CLTC: variants seen among roughly 807,000 people sequenced by gnomAD.
CLTC encodes the protein clathrin heavy chain.
A neutral mutation model predicts 195.8 loss-of-function variants in CLTC; 16 were observed. That is an observed-to-expected ratio of 0.08 (90% confidence interval 0.06 to 0.12). The LOEUF (loss-of-function observed/expected upper bound fraction) is 0.12, where lower values mean the gene tolerates loss of function less well. Among genes scored for constraint, CLTC ranks in the 10% least tolerant of loss-of-function variants. The pLI, the probability that CLTC is intolerant of heterozygous loss-of-function variation, is 1.00. For missense variants in CLTC, 796 were observed against 2,027.0 expected (o/e 0.39, Z 11.66); for synonymous variants, 667 against 689.4 (o/e 0.97, Z 0.51).
intron 6 of CLTC, among the ~76,000 whole-genome samples, chr17:59,658,117 T>G (rs900869935): frequency 6.6e-6 from 1 of 152,170 alleles, no homozygotes; most frequent in African/African-American, 2.4e-5. Flanking sequence ...ACAGGAGAAT[T>G]GCTTGAACCC....
At position 59,666,325 on chromosome 17, in the gene CLTC, C is replaced by T; in HGVS notation, c.1782+85C>T. Reference sequence around the variant, plus strand: ...CCTCTCAGATTGTTATGCAAAGCTACTGAGGGGCCTACTCCTTATTAAAGA... The same window carrying T: ...CCTCTCAGATTGTTATGCAAAGCTATTGAGGGGCCTACTCCTTATTAAAGA... On this transcript the variant is annotated intron_variant, in intron 11 of 31. Transcript: ENST00000269122. This position sits in a 1 kb window ranked among gnomAD's most constrained non-coding sequence, Gnocchi z 4.9. 1.3e-6 allele frequency: 2 copies of T among 1,540,096 alleles called. No individual in the cohort carries two copies. The highest frequency in any genetic ancestry group is 1.8e-6 in the Non-Finnish European group (2 of 1,123,416).
chr17:59,664,385 T>C (rs1022699348), intron 9 of CLTC, among the ~76,000 whole-genome samples: 1 of 151,778 alleles, frequency 6.6e-6, no homozygotes, highest in Non-Finnish European at 1.5e-5. Flanking sequence ...AACCTTGTCT[T>C]TACTAAAAAT....
chr17:59,633,116 T>C (rs2031768914), intron 1 of CLTC, among the ~76,000 whole-genome samples: 1 of 152,268 alleles, frequency 6.6e-6, no homozygotes, highest in African/African-American at 2.4e-5. Context: ...CATTTTGAGA[T>C]AATCTGTAAC....
At chr17:59,657,901 TAAA>T (rs916520631) in intron 6 of CLTC, among the ~76,000 whole-genome samples, 8 of 143,264 alleles carry the variant, frequency 5.6e-5, no homozygotes, top group Non-Finnish European at 9.2e-5. Context: ...ATTAAAAAAA[TAAA>T]AAAAAAGACA....
intron 1 of CLTC, among the ~76,000 whole-genome samples, chr17:59,622,708 T>C (rs1270204120): frequency 6.6e-6 from 1 of 152,216 alleles, no homozygotes; most frequent in Non-Finnish European, 1.5e-5. Flanking sequence ...CTTTGGTCTT[T>C]GACCTCTGAG....
At chr17:59,620,281 T>G in intron 1 of CLTC, 108 bp downstream of exon 1, 4 of 1,048,500 alleles carry the variant, frequency 3.8e-6, no homozygotes, top group Non-Finnish European at 5.9e-6. Flanking sequence ...GCGGGGGGGT[T>G]GTCGGTGATT....
chr17:59,643,100 AT>A (rs944050215), intron 1 of CLTC, among the ~76,000 whole-genome samples: 81 of 126,508 alleles, frequency 6.4e-4, no homozygotes, highest in Middle Eastern at 8.7e-3. Flanking sequence ...GAAAGACTTG[AT>A]TTTTTTTTTT....
intron 16 of CLTC, 142 bp downstream of exon 16, chr17:59,674,985 C>A: frequency 1.3e-6 from 1 of 780,432 alleles, no homozygotes; most frequent in Non-Finnish European, 2.0e-6. Flanking sequence ...AGGTGATAAG[C>A]TAGCTAATAG....
At chr17:59,654,171 A>G (rs905932445) in intron 5 of CLTC, among the ~76,000 whole-genome samples, 1 of 151,362 alleles carries the variant, frequency 6.6e-6, no homozygotes, top group Non-Finnish European at 1.5e-5. Context: ...GCTAGTGTAT[A>G]ACATTTTTAT....
intron 1 of CLTC, among the ~76,000 whole-genome samples, chr17:59,643,412 T>C (rs1264970974): frequency 1.3e-5 from 2 of 152,190 alleles, no homozygotes. Flanking sequence ...TTAGATCCAC[T>C]ATATTTGTTT....
chr17:59,677,270 A>G, intron 17 of CLTC, 82 bp downstream of exon 17: 1 of 1,065,830 alleles, frequency 9.4e-7, no homozygotes. Flanking sequence ...ATTTTAGGTA[A>G]TATGGGACAT....
At position 59,666,700 on chromosome 17, in the gene CLTC, A is replaced by C. The variant is rs150655494; in HGVS notation, c.1947+56A>C. 1.7e-4 allele frequency: 261 copies of C among 1,567,380 alleles called. 2 individuals carry two copies. In the African/African-American group the frequency reaches 2.5e-3, roughly 15 times the overall value. On this transcript the variant is annotated intron_variant, in intron 12 of 31. Transcript: ENST00000269122. The surrounding 1 kb of genome is among the most constrained non-coding windows in gnomAD (Gnocchi z 4.9). The stretch of plus-strand genomic sequence containing the variant: ...TTAGTTGTGATTAATAGGTACACTG[A>C]AAATGTGTTTGTGGTACTAAATATT...
intron 31 of CLTC, among the ~76,000 whole-genome samples, chr17:59,692,317 A>AAAC (rs2033323118): frequency 2.6e-5 from 1 of 38,698 alleles, no homozygotes; most frequent in Non-Finnish European, 5.1e-5. Flanking sequence ...CCGTCTCAAA[A>AAAC]AATAATAATA....
chr17:59,646,548 T>A lies in CLTC; in HGVS notation c.251-850T>A, dbSNP rs150037198. Among the ~76,000 whole-genome samples the A allele has an allele frequency of 8.7e-3, 1,318 of 152,050 alleles. 12 individuals carry two copies. The highest frequency in any genetic ancestry group is 0.029 in the African/African-American group (1,190 of 41,500). On this transcript the variant is annotated intron_variant, in intron 2 of 31. Transcript: ENST00000269122. The stretch of plus-strand genomic sequence containing the variant: ...CAGGAATGGTGTTTTTCTTAGTCTT[T>A]AAAGACTAATCTTGATAGCCTAGTG...
chr17:59,639,765 C>T (rs1212662119), intron 1 of CLTC, among the ~76,000 whole-genome samples: 4 of 149,532 alleles, frequency 2.7e-5, no homozygotes, highest in Non-Finnish European at 5.9e-5. Flanking sequence ...CCCAGGAGTT[C>T]GAGACCAGCC....
Position 59,683,140 on chromosome 17 carries a change from C to T in CLTC, c.3919C>T (p.Leu1307=). ...GCTGATCACCATGTTGGAAGCAGCA[C>T]TGGGACTTGAGCGAGCTCACATGGG... ...EELITMLEAA[L]GLERAHMGMF... The change falls in exon 25 of 32, where the codon CTG becomes TTG. Residue 1307 remains leucine (L), a synonymous_variant. Coordinates refer to ENST00000269122, the MANE Select transcript of CLTC (RefSeq NM_004859.4). This position sits in a 1 kb window ranked among gnomAD's most constrained non-coding sequence, Gnocchi z 6.1. 1 of 1,614,144 alleles carries T rather than the reference C, an allele frequency of 6.2e-7. No individual in the cohort carries two copies. Among genetic ancestry groups the T allele is most frequent in the African/African-American group, 1.3e-5 (1 of 75,044 alleles).
rs373191037 is a variant in CLTC, at chr17:59,671,797, T to G, written c.2293-1850T>G. The stretch of plus-strand genomic sequence containing the variant: ...CTTTGCTTGTGCCCTGTACTACTAT[T>G]CTCTCATGACCTTCTTTCTCCTTTA... On this transcript the variant is annotated intron_variant, in intron 14 of 31. Transcript: ENST00000269122. Among the ~76,000 whole-genome samples the G allele has an allele frequency of 9.8e-5, 15 of 152,334 alleles. No homozygotes were observed. The South Asian group carries it at 3.1e-3, about 32-fold the overall frequency.
intron 2 of CLTC, among the ~76,000 whole-genome samples, chr17:59,646,716 G>T (rs1433555772): frequency 6.6e-6 from 1 of 152,136 alleles, no homozygotes; most frequent in Non-Finnish European, 1.5e-5. Context: ...TTAACTAAAT[G>T]CTTGCTTTCT....
intron 1 of CLTC, among the ~76,000 whole-genome samples, chr17:59,643,628 G>C (rs1240679245): frequency 1.3e-5 from 2 of 152,108 alleles, no homozygotes; most frequent in Non-Finnish European, 2.9e-5. Flanking sequence ...AAAAGTACTT[G>C]TAGTTCCCTT....
Sources: allele counts gnomAD v4.1 joint callset (sites outside exome capture counted in the v4.1 genomes callset), GRCh38; gene constraint gnomAD v4.1.1; non-coding constraint Gnocchi (gnomAD v3.1); transcripts MANE v1.5; gene names NCBI Gene and HGNC (gene_info 2026-07-23, HGNC 2026-07-21).